MED13: variants seen among roughly 807,000 people sequenced by gnomAD.
MED13 encodes the protein mediator complex subunit 13.
MED13 carries 23 observed loss-of-function variants against 225.2 expected under a neutral mutation model. The ratio of observed to expected loss-of-function variants is 0.10; its 90% CI spans 0.07 to 0.14. The LOEUF (loss-of-function observed/expected upper bound fraction) is 0.14. Among genes scored for constraint, MED13 ranks in the 10% least tolerant of loss-of-function variants. The pLI is 1.00. For synonymous variants in MED13, 942 were observed against 889.2 expected (o/e 1.06, Z -1.06); for missense variants, 2,197 against 2,594.5 (o/e 0.85, Z 3.33).
chr17:62,011,231 T>A lies in MED13; in HGVS notation c.1286A>T (p.His429Leu). The A allele has an allele frequency of 6.2e-7, 1 of 1,603,698 alleles. No individual in the cohort carries two copies. The highest frequency in any genetic ancestry group is 8.5e-7 in the Non-Finnish European group (1 of 1,175,848). The stretch of plus-strand genomic sequence containing the variant: ...AGCATTTCTTGACTTGAGATTTTTG[T>A]GCCTGAAAAGTGAAAATAAAGGTTT... ...TQRTNCSCLR[H>L]KNLKSRNAGQ... The change falls in exon 9 of 30, where the codon CAC becomes CTC. Residue 429 changes from histidine to leucine, a missense_variant and splice_region_variant. His to Leu is a moderately conservative substitution (Grantham distance 99). This residue lies in a region of MED13 where 884 missense variants were observed against 918.5 expected (regional missense o/e 0.96). Transcript: ENST00000397786.
intron 9 of MED13, among the ~76,000 whole-genome samples, chr17:61,996,846 A>G (rs2080351040): frequency 6.6e-6 from 1 of 152,224 alleles, no homozygotes; most frequent in South Asian, 2.1e-4. Flanking sequence ...ACAGGGGTCT[A>G]ACCTTTGTTC....
chr17:62,026,595 T>A (rs1334840427), intron 8 of MED13, among the ~76,000 whole-genome samples: 1 of 150,154 alleles, frequency 6.7e-6, no homozygotes, highest in Non-Finnish European at 1.5e-5. Context: ...GCCAGAAGAA[T>A]CAGGGAGAAA....
chr17:61,954,895 C>T (rs147960201), intron 26 of MED13, among the ~76,000 whole-genome samples: 1 of 152,190 alleles, frequency 6.6e-6, no homozygotes, highest in Non-Finnish European at 1.5e-5. Flanking sequence ...TAAGTTACCA[C>T]AAACTGTTGG....
chr17:61,964,952 G>A (rs2080042067), intron 20 of MED13, 54 bp downstream of exon 20: 8 of 1,494,572 alleles, frequency 5.4e-6, no homozygotes, highest in Admixed American at 2.1e-5. Context: ...AAAAAAGAAA[G>A]AAGCAGCATC....
In MED13 at chr17:61,980,941, G is replaced by C. The variant is rs958608061; in HGVS notation, c.3805+1257C>G. Reference sequence around the variant, plus strand: ...ATTTTTCACCATATTGGGCAGGCTGGTCTCAAACTCCTGGCCTCATGATCT... The same window carrying C: ...ATTTTTCACCATATTGGGCAGGCTGCTCTCAAACTCCTGGCCTCATGATCT... On this transcript the variant is annotated intron_variant, in intron 16 of 29. Transcript: ENST00000397786. Among the ~76,000 whole-genome samples, 7 of 151,994 alleles carry C rather than the reference G, an allele frequency of 4.6e-5. 1 individual carries two copies. The South Asian group carries it at 1.5e-3, about 32-fold the overall frequency.
At chr17:61,948,894 G>A (rs983678057) in intron 28 of MED13, among the ~76,000 whole-genome samples, 34 of 151,162 alleles carry the variant, frequency 2.2e-4, no homozygotes, top group Middle Eastern at 6.8e-3. Flanking sequence ...AGACCATCCC[G>A]GCTAAAACGG....
At chr17:62,030,121 T>C in intron 6 of MED13, 108 bp from the exon 7 acceptor site, 2 of 1,023,560 alleles carry the variant, frequency 2.0e-6, no homozygotes, top group East Asian at 5.7e-5. Context: ...AGCTATCTGG[T>C]AAAATTATTT....
In MED13 at chr17:61,944,377, T is replaced by G. The variant is rs371123085; in HGVS notation, c.*2091A>C. 21 of 152,318 alleles carry G rather than the reference T, an allele frequency of 1.4e-4. No homozygotes were observed. The highest frequency in any genetic ancestry group is 3.9e-4 in the East Asian group (2 of 5,192). 9.4% of individuals were successfully genotyped at this position (152,318 alleles called of 1,614,324 possible). ...TTCCTTCAAATCTCAGACAAGTTTTTTTTTTTTTTTTAAAGAAAGTACAGA... is the reference window on the plus strand; with the variant it reads ...TTCCTTCAAATCTCAGACAAGTTTTGTTTTTTTTTTTAAAGAAAGTACAGA... On this transcript the variant is annotated 3_prime_UTR_variant, in exon 30 of 30. Transcript: ENST00000397786.
intron 2 of MED13, among the ~76,000 whole-genome samples, chr17:62,059,256 C>T (rs2081019614): frequency 6.6e-6 from 1 of 152,118 alleles, no homozygotes; most frequent in Non-Finnish European, 1.5e-5. Flanking sequence ...CACTGCATGA[C>T]ACAAAGGAGC....
chr17:62,019,965 C>T (rs968499053), intron 8 of MED13, among the ~76,000 whole-genome samples: 3 of 151,962 alleles, frequency 2.0e-5, no homozygotes, highest in Non-Finnish European at 4.4e-5. Context: ...AGGATGGTCT[C>T]GATCTCCTGA....
intron 26 of MED13, 47 bp from the exon 27 acceptor site, chr17:61,953,160 C>T (rs1222423329): frequency 1.2e-5 from 19 of 1,560,516 alleles, no homozygotes; most frequent in Non-Finnish European, 1.5e-5. Flanking sequence ...TTTCCATATC[C>T]TATGGTCATT....
At chr17:62,056,469 T>C (rs1603410265) in intron 2 of MED13, among the ~76,000 whole-genome samples, 1 of 152,122 alleles carries the variant, frequency 6.6e-6, no homozygotes, top group African/African-American at 2.4e-5. Context: ...TATATAACTA[T>C]TTTCCTCCTC....
intron 3 of MED13, among the ~76,000 whole-genome samples, chr17:62,049,076 G>GAAAAAAAAAAAAAA (rs2080929105): frequency 5.2e-5 from 1 of 19,140 alleles, no homozygotes; most frequent in African/African-American, 4.2e-4. Context: ...CAGTAAATAA[G>GAAAAAAAAAAAAAA]ACAAAAAAAA....
At position 61,962,953 on chromosome 17, in the gene MED13, T is replaced by C; in HGVS notation, c.4863A>G (p.Lys1621=). ...DVSESTMDRD[K]VGIPTDGDSH... ...AATCACCATCTGTGGGGATTCCCAC[T>C]TTATCCCGATCCATCGTGCTAAAAT... Residue 1621 remains lysine, a synonymous_variant, in exon 21 of 30, where the codon AAA becomes AAG. Transcript: ENST00000397786. 1 of 1,614,076 alleles carries C rather than the reference T, an allele frequency of 6.2e-7. No individual in the cohort carries two copies. Among genetic ancestry groups the C allele is most frequent in the South Asian group, 1.1e-5 (1 of 91,084 alleles).
chr17:62,026,546 C>G (rs552898250), intron 8 of MED13, among the ~76,000 whole-genome samples: 3 of 149,768 alleles, frequency 2.0e-5, no homozygotes, highest in African/African-American at 7.4e-5. Context: ...ATAAGAATGC[C>G]TCCTCTCACT....
intron 2 of MED13, among the ~76,000 whole-genome samples, chr17:62,054,835 T>C (rs1315306054): frequency 1.3e-5 from 2 of 152,224 alleles, no homozygotes; most frequent in East Asian, 3.8e-4. Flanking sequence ...TTACCTTTTA[T>C]TTCAAAAATC....
At chr17:61,971,592 C>G (rs141168270) in intron 17 of MED13, among the ~76,000 whole-genome samples, 56 of 152,210 alleles carry the variant, frequency 3.7e-4, no homozygotes, top group Middle Eastern at 6.8e-3. Context: ...TGAGCCACCA[C>G]GCCGGCTACC....
At chr17:62,029,474 G>C in intron 8 of MED13, 67 bp downstream of exon 8, 2 of 1,189,300 alleles carry the variant, frequency 1.7e-6, no homozygotes, top group Non-Finnish European at 2.5e-6. Context: ...AAATAAAGTG[G>C]GCATAAGCAT....
intron 8 of MED13, among the ~76,000 whole-genome samples, chr17:62,023,752 C>CT (rs2080672595): frequency 1.3e-5 from 2 of 152,070 alleles, no homozygotes; most frequent in African/African-American, 4.8e-5. Context: ...CCCCAACCTC[C>CT]TATATATTCT....
Sources: allele counts gnomAD v4.1 joint callset (sites outside exome capture counted in the v4.1 genomes callset), GRCh38; gene constraint gnomAD v4.1.1; regional missense constraint gnomAD v4.1.1; transcripts MANE v1.5; gene names NCBI Gene and HGNC (gene_info 2026-07-23, HGNC 2026-07-21).